PDE4D: variants seen among roughly 807,000 people sequenced by gnomAD.
PDE4D encodes the protein 3',5'-cyclic-AMP phosphodiesterase 4D.
Under a neutral mutation model 87.4 loss-of-function variants are expected in PDE4D, and 24 were observed. That is an observed-to-expected ratio of 0.27 (90% CI 0.20 to 0.39). The LOEUF (loss-of-function observed/expected upper bound fraction) is 0.39, where lower values mean the gene tolerates loss of function less well. Among genes scored for constraint, PDE4D ranks in the 10% least tolerant of loss-of-function variants. The pLI, the probability that PDE4D is intolerant of heterozygous loss-of-function variation, is 1.00. For missense variants in PDE4D, 714 were observed against 1,041.0 expected, an observed-to-expected ratio of 0.69 and a Z score of 4.32; for synonymous variants, 384 against 383.2, an observed-to-expected ratio of 1.00 and a Z score of -0.02.
intron 1 of PDE4D, among the ~76,000 whole-genome samples, chr5:59,296,730 T>C (rs1051953640): frequency 3.3e-5 from 5 of 151,902 alleles, no homozygotes; most frequent in Non-Finnish European, 7.4e-5. Flanking sequence ...ATATTGATGT[T>C]GCCAAATATT....
In PDE4D at chr5:59,981,793, A is replaced by C. The variant is rs796570097; in HGVS notation, c.272+6695T>G. Among the ~76,000 whole-genome samples the C allele has an allele frequency of 5.9e-5, 9 of 152,314 alleles. 1 individual carries two copies. The highest frequency in any genetic ancestry group is 2.2e-4 in the African/African-American group (9 of 41,570). On this transcript the variant is annotated intron_variant, in intron 3 of 16. Transcript: ENST00000502484. ...ATGAAATGCCCATTAATACCTTCTT[A>C]AGTTTAAAAGGCCAAATTTGAAAGA...
chr5:59,716,517 G>A (rs955269450), intron 1 of PDE4D, among the ~76,000 whole-genome samples: 8 of 152,308 alleles, frequency 5.3e-5, no homozygotes, highest in African/African-American at 7.2e-5. Flanking sequence ...AGCCATTGTG[G>A]AGAGGAATTG....
chr5:59,504,937 T>TGC (rs1554198180), intron 1 of PDE4D, among the ~76,000 whole-genome samples: 98 of 131,926 alleles, frequency 7.4e-4, no homozygotes, highest in Non-Finnish European at 1.4e-3. Flanking sequence ...TGTGTGTGTG[T>TGC]GTGCGTGCGC....
At chr5:59,976,590 C>T (rs534908886) in intron 3 of PDE4D, among the ~76,000 whole-genome samples, 1 of 152,340 alleles carries the variant, frequency 6.6e-6, no homozygotes, top group East Asian at 1.9e-4. Flanking sequence ...CCCTGCTAAA[C>T]AATGAGCCAA....
chr5:59,345,694 C>G lies in PDE4D; in HGVS notation c.456-129726G>C, dbSNP rs185055184. Among the ~76,000 whole-genome samples the G allele has an allele frequency of 1.2e-3, 178 of 152,244 alleles. 1 individual carries two copies. Among genetic ancestry groups the G allele is most frequent in the Middle Eastern group, 3.4e-3 (1 of 294 alleles). On this transcript the variant is annotated intron_variant, in intron 1 of 14. Coordinates refer to ENST00000340635, the MANE Select transcript of PDE4D (RefSeq NM_001104631.2). ...GCAAACATTTTTTAAGATGCCATCA[C>G]TGAAAATGGATGACCTATACTTTGG...
At chr5:59,423,447 T>C (rs530516461) in intron 1 of PDE4D, among the ~76,000 whole-genome samples, 2 of 152,286 alleles carry the variant, frequency 1.3e-5, no homozygotes, top group Admixed American at 6.5e-5. Context: ...TAATGCAGCA[T>C]TCCATTGCCA....
At chr5:60,265,092 C>G (rs748610585) in intron 1 of PDE4D, among the ~76,000 whole-genome samples, 8 of 152,056 alleles carry the variant, frequency 5.3e-5, no homozygotes, top group Non-Finnish European at 1.2e-4. Flanking sequence ...TCTTCTTTAC[C>G]CCATTGGTGA....
intron 6 of PDE4D, among the ~76,000 whole-genome samples, chr5:58,994,497 T>G (rs1748699422): frequency 6.6e-6 from 1 of 152,162 alleles, no homozygotes; most frequent in Admixed American, 6.5e-5. Context: ...TATTAGATAC[T>G]TGACAAAAAA....
chr5:59,538,039 G>A (rs557436110), intron 1 of PDE4D, among the ~76,000 whole-genome samples: 32 of 152,264 alleles, frequency 2.1e-4, no homozygotes, highest in Admixed American at 5.9e-4. Context: ...TTCCACTGTT[G>A]AAGTAAAATC....
chr5:60,015,117 A>G (rs1765386425), intron 2 of PDE4D, among the ~76,000 whole-genome samples: 1 of 152,240 alleles, frequency 6.6e-6, no homozygotes, highest in African/African-American at 2.4e-5. Flanking sequence ...AAGGGGGATT[A>G]CACAGAAGGT....
intron 1 of PDE4D, among the ~76,000 whole-genome samples, chr5:59,682,372 TC>T (rs760115167): frequency 1.3e-5 from 2 of 152,186 alleles, no homozygotes; most frequent in African/African-American, 2.4e-5. Flanking sequence ...AGCATCTACC[TC>T]TGGATATAAG....
intron 1 of PDE4D, among the ~76,000 whole-genome samples, chr5:59,612,603 G>A (rs570517272): frequency 4.6e-5 from 7 of 152,198 alleles, no homozygotes; most frequent in African/African-American, 1.4e-4. Context: ...ATCTATATAA[G>A]GATTATATGA....
chr5:59,969,004 A>C (rs1246433000), intron 3 of PDE4D, among the ~76,000 whole-genome samples: 3 of 143,746 alleles, frequency 2.1e-5, no homozygotes, highest in East Asian at 4.8e-4. Context: ...CCCCCCCCGA[A>C]AAAAAGAGAA....
intron 1 of PDE4D, among the ~76,000 whole-genome samples, chr5:60,399,406 CTG>C (rs1307200311): frequency 6.6e-6 from 1 of 152,220 alleles, no homozygotes; most frequent in African/African-American, 2.4e-5. Context: ...TATTGTCAGA[CTG>C]TGGCCTTCTG....
intron 1 of PDE4D, among the ~76,000 whole-genome samples, chr5:59,550,782 C>T (rs1010605764): frequency 4.0e-5 from 6 of 151,406 alleles, no homozygotes; most frequent in Non-Finnish European, 4.4e-5. Context: ...CTGCAACCTC[C>T]GCCTACCAGG....
chr5:59,547,011 T>C (rs966596975), intron 1 of PDE4D, among the ~76,000 whole-genome samples: 6 of 152,206 alleles, frequency 3.9e-5, no homozygotes, highest in African/African-American at 1.4e-4. Context: ...GTGGGCATTA[T>C]GCTTTCATGC....
intron 1 of PDE4D, among the ~76,000 whole-genome samples, chr5:59,410,529 G>T (rs547169215): frequency 6.6e-6 from 1 of 152,152 alleles, no homozygotes; most frequent in Non-Finnish European, 1.5e-5. Context: ...TTGCAGGCGT[G>T]AGCCCCTGAA....
chr5:59,208,061 G>C (rs985702372), intron 2 of PDE4D, among the ~76,000 whole-genome samples: 2 of 151,938 alleles, frequency 1.3e-5, no homozygotes, highest in African/African-American at 4.8e-5. Context: ...CAGCTACTCA[G>C]GAGGCTGAGG....
chr5:60,407,978 G>A (rs185439442), intron 1 of PDE4D, among the ~76,000 whole-genome samples: 4 of 152,080 alleles, frequency 2.6e-5, no homozygotes, highest in African/African-American at 7.2e-5. Flanking sequence ...TGTAGCTTCC[G>A]TCTTCTTTAC....
Sources: gnomAD v4.1 joint callset for allele counts (sites outside exome capture counted in the v4.1 genomes callset) on GRCh38, gnomAD v4.1.1 for gene constraint, MANE v1.5 for transcripts, NCBI Gene and HGNC (gene_info 2026-07-23, HGNC 2026-07-21) for gene names.